Variants in LNPK observed in about 807,000 individuals in gnomAD.
LNPK encodes lunapark, ER junction formation factor.
In LNPK, 29 loss-of-function variants were observed where a neutral mutation model predicts 55.2. That is an observed-to-expected ratio of 0.53 (90% CI 0.39 to 0.72). The LOEUF (loss-of-function observed/expected upper bound fraction) is 0.72. Ranked by LOEUF, LNPK falls within the 30% of genes least tolerant of loss-of-function variation. The pLI, the probability that LNPK is intolerant of heterozygous loss-of-function variation, is 0.00. For missense variants in LNPK, 467 were observed against 494.8 expected (o/e 0.94, Z 0.53); for synonymous variants, 162 against 168.2 (o/e 0.96, Z 0.29).
chr2:175,942,276 T>C (rs1367854246), intron 9 of LNPK, among the ~76,000 whole-genome samples: 2 of 152,206 alleles, frequency 1.3e-5, no homozygotes, highest in East Asian at 1.9e-4. Flanking sequence ...TATGGAAGGA[T>C]ATGTATAGAT....
At chr2:175,967,409 G>A (rs1319627886) in intron 6 of LNPK, among the ~76,000 whole-genome samples, 4 of 151,976 alleles carry the variant, frequency 2.6e-5, no homozygotes, top group Admixed American at 2.6e-4. Flanking sequence ...CAAAATAAAT[G>A]TGAAAAAAAC....
chr2:175,967,791 T>C, intron 6 of LNPK: 1 of 968,012 alleles, frequency 1.0e-6, no homozygotes, highest in Non-Finnish European at 1.2e-6. Flanking sequence ...ATTTCTTCTG[T>C]TATTGTGTAG....
intron 6 of LNPK, among the ~76,000 whole-genome samples, chr2:175,967,425 A>G (rs1686425025): frequency 1.3e-5 from 2 of 152,194 alleles, no homozygotes; most frequent in Middle Eastern, 3.2e-3. Context: ...AAAACTTTTT[A>G]AGTTTTGAAA....
intron 8 of LNPK, among the ~76,000 whole-genome samples, chr2:175,958,428 G>C (rs1210434794): frequency 6.6e-6 from 1 of 152,170 alleles, no homozygotes; most frequent in East Asian, 1.9e-4. Context: ...AGGCAAACAG[G>C]GTCTGGAGTG....
At chr2:175,988,368 T>C (rs1687527191) in intron 4 of LNPK, among the ~76,000 whole-genome samples, 1 of 151,190 alleles carries the variant, frequency 6.6e-6, no homozygotes, top group Non-Finnish European at 1.5e-5. Flanking sequence ...AAAAATTAGA[T>C]AGGGATGGTG....
chr2:175,953,171 A>T (rs1165319088), intron 8 of LNPK, among the ~76,000 whole-genome samples: 1 of 152,016 alleles, frequency 6.6e-6, no homozygotes, highest in African/African-American at 2.4e-5. Context: ...TTTGACTCTG[A>T]TCATTCATTC....
chr2:175,993,187 C>T lies in LNPK; in HGVS notation c.64G>A (p.Asp22Asn). 6.4e-7 allele frequency: 1 copy of T among 1,550,760 alleles called. No homozygotes were observed. The highest frequency in any genetic ancestry group is 8.8e-7 in the Non-Finnish European group (1 of 1,138,068). ...PSTVEVLESI[D>N]KEIQALEEFR... ...CTCACAGCCAAAGAACATACCTTAT[C>T]TATACTTTCTAGAACTTCTACAGTT... Residue 22 changes from aspartate to asparagine, a missense_variant, in exon 3 of 13, where the codon GAT becomes AAT. By Grantham distance (23) the Asp-to-Asn change is conservative (BLOSUM62 1). Transcript: ENST00000272748.
chr2:175,976,018 AAAAG>A lies in LNPK; in HGVS notation c.316+3788_316+3791del, dbSNP rs934327712. On this transcript the variant is annotated intron_variant, in intron 5 of 12. Transcript: ENST00000272748. The stretch of plus-strand genomic sequence containing the variant: ...ACGGAGTGAGACTCCATCTCAAAAA[AAAAG>A]AAAGAAAGAAAGAAACTGTAAGGTT... 2.6e-4 allele frequency among the ~76,000 whole-genome samples: 39 copies of A among 152,268 alleles called. 1 individual carries two copies. In the East Asian group the frequency reaches 5.4e-3, roughly 21 times the overall value.
At chr2:175,994,183 A>C in intron 2 of LNPK, 2 of 981,910 alleles carry the variant, frequency 2.0e-6, no homozygotes, top group Non-Finnish European at 2.4e-6. Context: ...AGTTCATTGT[A>C]GTTTCCATAA....
intron 5 of LNPK, among the ~76,000 whole-genome samples, chr2:175,975,767 T>G (rs1431136322): frequency 6.6e-6 from 1 of 152,168 alleles, no homozygotes; most frequent in Non-Finnish European, 1.5e-5. Context: ...TCCCAGCACT[T>G]TGGGAGGCTG....
chr2:175,952,980 G>T (rs1182100388), intron 8 of LNPK, among the ~76,000 whole-genome samples: 2 of 152,064 alleles, frequency 1.3e-5, no homozygotes, highest in Non-Finnish European at 2.9e-5. Flanking sequence ...GTTTTCAAAA[G>T]AAGAAACCAA....
intron 8 of LNPK, among the ~76,000 whole-genome samples, chr2:175,951,945 G>A (rs1424473757): frequency 2.0e-5 from 3 of 151,694 alleles, no homozygotes; most frequent in Non-Finnish European, 4.4e-5. Flanking sequence ...GGAGTAAGGT[G>A]GTATTGCATT....
At chr2:175,930,671 TGG>T (rs1684241216) in intron 12 of LNPK, among the ~76,000 whole-genome samples, 1 of 8,732 alleles carries the variant, frequency 1.1e-4, no homozygotes. Context: ...GGTGGGTGGG[TGG>T]GTGTGTGTGG....
At chr2:175,961,903 C>A (rs1406396038) in intron 8 of LNPK, among the ~76,000 whole-genome samples, 1 of 152,122 alleles carries the variant, frequency 6.6e-6, no homozygotes, top group Non-Finnish European at 1.5e-5. Context: ...TTCTTATACA[C>A]CATTAACAGA....
At chr2:175,935,045 A>G (rs1443105235) in intron 12 of LNPK, among the ~76,000 whole-genome samples, 5 of 152,064 alleles carry the variant, frequency 3.3e-5, no homozygotes, top group African/African-American at 9.7e-5. Flanking sequence ...ATCCAGGCAA[A>G]ACTTAACTTC....
chr2:175,992,176 T>C (rs1482097478), intron 4 of LNPK, 55 bp downstream of exon 4: 2 of 1,155,650 alleles, frequency 1.7e-6, no homozygotes, highest in Non-Finnish European at 2.4e-6. Context: ...TAGATATACA[T>C]TAAGACTCTC....
intron 9 of LNPK, among the ~76,000 whole-genome samples, chr2:175,945,428 C>T (rs957582403): frequency 6.6e-6 from 1 of 150,860 alleles, no homozygotes; most frequent in Non-Finnish European, 1.5e-5. Flanking sequence ...TTGCTTGAAC[C>T]CGTAAGGCAG....
intron 5 of LNPK, among the ~76,000 whole-genome samples, chr2:175,974,806 G>A (rs142006296): frequency 1.4e-4 from 22 of 151,898 alleles, no homozygotes; most frequent in Non-Finnish European, 1.5e-4. Context: ...TTACAAAGTC[G>A]ATTTTAAACA....
rs560922841 is a variant in LNPK, at chr2:175,979,327, G to A, written c.316+483C>T. On this transcript the variant is annotated intron_variant, in intron 5 of 12. Coordinates refer to ENST00000272748, the MANE Select transcript of LNPK (RefSeq NM_030650.3). The stretch of plus-strand genomic sequence containing the variant: ...TAATCCTAGCACTTTGGGAGGCAGA[G>A]GCAGGCGGATTGCCTGAGCTCAGGA... 5.7e-3 allele frequency among the ~76,000 whole-genome samples: 862 copies of A among 152,266 alleles called. 9 individuals carry two copies. Among genetic ancestry groups the A allele is most frequent in the African/African-American group, 0.019 (810 of 41,574 alleles).
Sources: allele counts gnomAD v4.1 joint callset (sites outside exome capture counted in the v4.1 genomes callset), GRCh38; gene constraint gnomAD v4.1.1; transcripts MANE v1.5; gene names NCBI Gene and HGNC (gene_info 2026-07-23, HGNC 2026-07-21).